PAFAH1B3: variants seen among roughly 807,000 people sequenced by gnomAD.
PAFAH1B3 encodes the protein platelet-activating factor acetylhydrolase IB subunit alpha1.
A neutral mutation model predicts 24.4 loss-of-function variants in PAFAH1B3; 15 were observed. The ratio of observed to expected loss-of-function variants is 0.62; its 90% CI spans 0.41 to 0.95. The LOEUF (loss-of-function observed/expected upper bound fraction) is 0.95, where lower values mean the gene tolerates loss of function less well. Ranked by LOEUF, PAFAH1B3 falls within the 40% of genes least tolerant of loss-of-function variation. The probability of loss-of-function intolerance (pLI) is 0.00; values close to 1 mark genes in which losing one functional copy is unlikely to be tolerated. For synonymous variants in PAFAH1B3, 144 were observed against 126.5 expected (o/e 1.14, Z -0.93); for missense variants, 266 against 312.2 (o/e 0.85, Z 1.12).
Position 42,297,194 on chromosome 19 carries a change from G to A in PAFAH1B3, c.580C>T (p.Leu194=). Residue 194 remains leucine, a synonymous_variant, in exon 5 of 5, where the codon CTG becomes TTG. Transcript: ENST00000262890. ...GTGTAGCCCAGGCGGCTCAGATGCA[G>A]GTAATCATACATGTCATGATGGCTG... ...TISHHDMYDY[L]HLSRLGYTPV... The A allele has an allele frequency of 1.2e-6, 2 of 1,614,140 alleles. No individual in the cohort carries two copies. The highest frequency in any genetic ancestry group is 1.7e-6 in the Non-Finnish European group (2 of 1,180,040).
At chr19:42,298,229 G>A (rs200818518) in intron 4 of PAFAH1B3, among the ~76,000 whole-genome samples, 14 of 152,242 alleles carry the variant, frequency 9.2e-5, no homozygotes, top group South Asian at 8.3e-4. Flanking sequence ...GGTTGCTCAC[G>A]CCTGTAATCC....
chr19:42,300,476 T>TA (rs759748512), intron 2 of PAFAH1B3, among the ~76,000 whole-genome samples, 189 bp from the exon 3 acceptor site: 6 of 152,236 alleles, frequency 3.9e-5, no homozygotes, highest in Admixed American at 1.3e-4. Flanking sequence ...AGAAATCTAT[T>TA]AGAGTCTCTC....
intron 2 of PAFAH1B3, 58 bp downstream of exon 2, chr19:42,301,892 A>G: frequency 7.2e-7 from 1 of 1,391,524 alleles, no homozygotes; most frequent in Non-Finnish European, 1.0e-6. Context: ...GTTCTGGTCC[A>G]GATGTGTCAG....
At chr19:42,300,938 C>A (rs2038614156) in intron 2 of PAFAH1B3, among the ~76,000 whole-genome samples, 1 of 152,196 alleles carries the variant, frequency 6.6e-6, no homozygotes. Context: ...CCTCAGCCTG[C>A]CAAGTAGCTG....
intron 2 of PAFAH1B3, among the ~76,000 whole-genome samples, chr19:42,301,437 A>G (rs1245355078): frequency 2.0e-5 from 3 of 152,104 alleles, no homozygotes; most frequent in East Asian, 3.9e-4. Flanking sequence ...AAAACAAACC[A>G]AGCCCCATAG....
At chr19:42,299,886 C>T in intron 4 of PAFAH1B3, 84 bp downstream of exon 4, 1 of 1,566,010 alleles carries the variant, frequency 6.4e-7, no homozygotes, top group Non-Finnish European at 8.7e-7. Context: ...TGTCAAGCTG[C>T]CTAGAACTGT....
At position 42,300,495 on chromosome 19, in the gene PAFAH1B3, T is replaced by C. The variant is rs1452892549; in HGVS notation, c.169-208A>G. Reference sequence around the variant, plus strand: ...ATCTATTAGAGTCTCTCACTTATTTTATTTTATTTTATATTTTTGAGACAG... The same window carrying C: ...ATCTATTAGAGTCTCTCACTTATTTCATTTTATTTTATATTTTTGAGACAG... On this transcript the variant is annotated intron_variant, in intron 2 of 4. Coordinates refer to ENST00000262890, the MANE Select transcript of PAFAH1B3 (RefSeq NM_002573.4). Among the ~76,000 whole-genome samples the C allele has an allele frequency of 2.0e-5, 3 of 152,174 alleles. No homozygotes were observed. In the East Asian group the frequency reaches 5.8e-4, roughly 29 times the overall value.
rs531188882 is a variant in PAFAH1B3, at chr19:42,300,294, G to A, written c.169-7C>T. 3.3e-5 allele frequency: 54 copies of A among 1,612,748 alleles called. 1 individual carries two copies. The South Asian group carries it at 5.7e-4, about 17-fold the overall frequency. ...AGAAGAGCTCGCGCCAGATCTGTGG[G>A]CAAGAAGTGGTGTGGGCAAGAAGTG... On this transcript the variant is annotated splice_region_variant and splice_polypyrimidine_tract_variant and intron_variant, in intron 2 of 4. Transcript: ENST00000262890.
At chr19:42,301,862 TA>T in intron 2 of PAFAH1B3, 87 bp downstream of exon 2, 1 of 1,109,500 alleles carries the variant, frequency 9.0e-7, no homozygotes, top group Non-Finnish European at 1.3e-6. Flanking sequence ...GGTACTCTCA[TA>T]ATACCTCACC....
intron 4 of PAFAH1B3, among the ~76,000 whole-genome samples, chr19:42,298,100 C>G (rs757694640): frequency 1.3e-5 from 2 of 151,990 alleles, no homozygotes; most frequent in Non-Finnish European, 2.9e-5. Flanking sequence ...GGGAGGCTGA[C>G]GTGGGAGAAT....
upstream of PAFAH1B3, chr19:42,302,660 G>C: frequency 1.3e-5 from 4 of 309,690 alleles, no homozygotes; most frequent in South Asian, 1.7e-4. Flanking sequence ...CGGGGAGGAG[G>C]GAGAAACCAC....
chr19:42,299,818 C>T (rs2038589940), intron 4 of PAFAH1B3, 152 bp downstream of exon 4: 1 of 959,278 alleles, frequency 1.0e-6, no homozygotes, highest in African/African-American at 1.6e-5. Flanking sequence ...CAACCACAGC[C>T]ACTCTGAAGG....
chr19:42,297,878 T>C (rs2038561860), intron 4 of PAFAH1B3, among the ~76,000 whole-genome samples: 1 of 150,748 alleles, frequency 6.6e-6, no homozygotes, highest in Non-Finnish European at 1.5e-5. Flanking sequence ...CGGCCTAGCC[T>C]CTTTCCAAGT....
Position 42,297,354 on chromosome 19 carries a change from C to T in PAFAH1B3, c.420G>A (p.Pro140=), listed in dbSNP as rs768857831. 5.6e-5 allele frequency: 90 copies of T among 1,606,722 alleles called. No individual in the cohort carries two copies. Among genetic ancestry groups the T allele is most frequent in the Non-Finnish European group, 6.7e-5 (79 of 1,174,012 alleles). ...QARVVVLGLL[P]RGQHPNPLRE... ...GAAGTGGGTTGGGATGTTGGCCTCG[C>T]GGAAGCAGGCCCTGAGCAGGAACAC... is the stretch of plus-strand genomic sequence containing the variant. Residue 140 remains proline, a synonymous_variant, in exon 5 of 5, where the codon CCG becomes CCA. Transcript: ENST00000262890.
At position 42,297,377 on chromosome 19, in the gene PAFAH1B3, C is replaced by A. The variant is rs770610163; in HGVS notation, c.409-12G>T. ...CGCGGAAGCAGGCCCTGAGCAGGAA[C>A]ACGAGGCGTAGTAAGGAAACAAGCA... On this transcript the variant is annotated splice_polypyrimidine_tract_variant and intron_variant, in intron 4 of 4. Transcript: ENST00000262890. 2 of 1,599,228 alleles carry A rather than the reference C, an allele frequency of 1.3e-6. No homozygotes were observed. The highest frequency in any genetic ancestry group is 4.5e-5 in the East Asian group (2 of 44,460).
chr19:42,298,821 T>TC (rs2038575463), intron 4 of PAFAH1B3, among the ~76,000 whole-genome samples: 1 of 145,676 alleles, frequency 6.9e-6, no homozygotes, highest in African/African-American at 2.5e-5. Flanking sequence ...CAGCTAATTC[T>TC]TTTTTTTTTT....
In PAFAH1B3 at chr19:42,300,254, G is replaced by C. The variant is rs2038598011; in HGVS notation, c.202C>G (p.Leu68Val). 6.2e-7 allele frequency: 1 copy of C among 1,614,250 alleles called. No individual in the cohort carries two copies. Among genetic ancestry groups the C allele is most frequent in the South Asian group, 1.1e-5 (1 of 91,090 alleles). The change falls in exon 3 of 5, where the codon CTT becomes GTT. Residue 68 changes from leucine to valine, a missense_variant. Physicochemically the swap from Leu to Val is conservative, Grantham distance 32 (BLOSUM62 1). Coordinates refer to ENST00000262890, the MANE Select transcript of PAFAH1B3 (RefSeq NM_002573.4). ...WRELFSPLHALNFGIGGDGTQ... is the reference protein window; with the variant it reads ...WRELFSPLHAVNFGIGGDGTQ... Reference sequence around the variant, plus strand: ...CCGTCACCACCAATGCCAAAGTTAAGTGCATGCAGAGGAGAGAAGAGCTCG... The same window carrying C: ...CCGTCACCACCAATGCCAAAGTTAACTGCATGCAGAGGAGAGAAGAGCTCG...
At position 42,302,054 on chromosome 19, in the gene PAFAH1B3, G is replaced by A; in HGVS notation, c.79-15C>T. ...AACCGATGGTGCTGCGGGAGCGCGC[G>A]AGAGGGAGTCAATGGCATGCACGCT... On this transcript the variant is annotated splice_polypyrimidine_tract_variant and intron_variant, in intron 1 of 4. Coordinates refer to ENST00000262890, the MANE Select transcript of PAFAH1B3 (RefSeq NM_002573.4). 1.3e-6 allele frequency: 2 copies of A among 1,560,016 alleles called. No individual in the cohort carries two copies. Among genetic ancestry groups the A allele is most frequent in the Non-Finnish European group, 1.7e-6 (2 of 1,151,750 alleles).
intron 4 of PAFAH1B3, among the ~76,000 whole-genome samples, chr19:42,299,489 G>A (rs544963335): frequency 2.6e-5 from 4 of 151,600 alleles, no homozygotes; most frequent in Non-Finnish European, 5.9e-5. Context: ...CAGTGGCACA[G>A]TATCAGCTTA....
Sources: gnomAD v4.1 joint callset for allele counts (sites outside exome capture counted in the v4.1 genomes callset) on GRCh38, gnomAD v4.1.1 for gene constraint, MANE v1.5 for transcripts, NCBI Gene and HGNC (gene_info 2026-07-23, HGNC 2026-07-21) for gene names.